NUCKS1: variants seen among roughly 807,000 people sequenced by gnomAD.
NUCKS1 encodes the protein nuclear casein kinase and cyclin dependent kinase substrate 1, also known as nuclear ubiquitous casein and cyclin-dependent kinase substrate 1.
NUCKS1 carries 2 observed loss-of-function variants against 33.0 expected under a neutral mutation model. The ratio of observed to expected loss-of-function variants is 0.06; its 90% CI spans 0.02 to 0.19. NUCKS1 has a LOEUF of 0.19. Among genes scored for constraint, NUCKS1 ranks in the 10% least tolerant of loss-of-function variants. The pLI is 1.00. For synonymous variants in NUCKS1, 106 were observed against 102.8 expected (o/e 1.03, Z -0.19); for missense variants, 201 against 293.6 (o/e 0.68, Z 2.31).
intron 1 of NUCKS1, among the ~76,000 whole-genome samples, chr1:205,732,975 T>C (rs377391114): frequency 2.0e-5 from 3 of 152,032 alleles, no homozygotes; most frequent in Non-Finnish European, 2.9e-5. Context: ...ATGATGATCA[T>C]AATGCAAACA....
chr1:205,720,622 T>G lies in NUCKS1; in HGVS notation c.261A>C (p.Lys87Asn). The part of the protein sequence containing the change: ...EDSEDEKEDH[K>N]NVRQQRQAAS... The stretch of plus-strand genomic sequence containing the variant: ...CCGCCTGCCGTTGTTGGCGCACATT[T>G]TTATGATCTTCTTTTTCATCTTCAC... The change falls in exon 5 of 7, where the codon AAA becomes AAC. Residue 87 changes from lysine to asparagine, a missense_variant. Physicochemically the swap from Lys to Asn is moderately conservative, Grantham distance 94 (BLOSUM62 0). Transcript: ENST00000367142. 6.2e-7 allele frequency: 1 copy of G among 1,614,022 alleles called. No homozygotes were observed.
In NUCKS1 at chr1:205,718,330, T is replaced by C; in HGVS notation, c.682A>G (p.Lys228Glu). ...KKTSTSPPPE[K>E]SGDEGSEDEA... ...TCTTCAGACCCTTCATCCCCAGATT[T>C]CTCGGGTGGGGGGCTTGTAGATGTT... Residue 228 changes from lysine (K) to glutamate (E), a missense_variant, in exon 7 of 7, where the codon AAA (lysine) becomes GAA (glutamate). Transcript: ENST00000367142. 1 of 1,613,790 alleles carries C rather than the reference T, an allele frequency of 6.2e-7. No homozygotes were observed. Among genetic ancestry groups the C allele is most frequent in the East Asian group, 2.2e-5 (1 of 44,876 alleles).
Position 205,718,107 on chromosome 1 carries a change from G to T in NUCKS1, c.*173C>A. 24 of 1,130,532 alleles carry T rather than the reference G, an allele frequency of 2.1e-5. No homozygotes were observed. Among genetic ancestry groups the T allele is most frequent in the East Asian group, 4.2e-5 (1 of 23,626 alleles). The allele number at this position is 1,130,532 out of a possible 1,614,324, so 70.0% of individuals were successfully genotyped here. A position where few individuals can be genotyped will look rare whatever the true frequency, so the allele number is the denominator to read the frequency against. ...CTTTAAAAAAAAAAAAAAAAAAAGAGAGAGAGAGAGAAATGTTACTTTCAA... is the reference window on the plus strand; with the variant it reads ...CTTTAAAAAAAAAAAAAAAAAAAGATAGAGAGAGAGAAATGTTACTTTCAA... On this transcript the variant is annotated 3_prime_UTR_variant, in exon 7 of 7. Coordinates refer to ENST00000367142, the MANE Select transcript of NUCKS1 (RefSeq NM_022731.5).
chr1:205,743,748 A>C (rs1654240304), intron 1 of NUCKS1, among the ~76,000 whole-genome samples: 1 of 152,176 alleles, frequency 6.6e-6, no homozygotes, highest in East Asian at 1.9e-4. Context: ...CTTGTAACAC[A>C]ACATTATTAA....
rs1359048748 is a variant in NUCKS1 at position 205,715,631 on chromosome 1, T to C, written c.*2649A>G. ...AAAAATCTTAAGAACTAGAATGTAGTGTCAGTCAGCATAGCTGCTGAAATC... is the reference window on the plus strand; with the variant it reads ...AAAAATCTTAAGAACTAGAATGTAGCGTCAGTCAGCATAGCTGCTGAAATC... On this transcript the variant is annotated 3_prime_UTR_variant, in exon 7 of 7. Transcript: ENST00000367142. 1 of 152,260 alleles carries C rather than the reference T, an allele frequency of 6.6e-6. No homozygotes were observed. Among genetic ancestry groups the C allele is most frequent in the Non-Finnish European group, 1.5e-5 (1 of 68,062 alleles). The allele number at this position is 152,260 out of a possible 1,614,324, so 9.4% of individuals were successfully genotyped here.
intron 1 of NUCKS1, among the ~76,000 whole-genome samples, chr1:205,744,859 C>T (rs187024497): frequency 6.6e-5 from 10 of 151,938 alleles, no homozygotes; most frequent in Admixed American, 2.6e-4. Context: ...CTCGAACTCC[C>T]GACCTTAGGT....
At chr1:205,731,432 T>A (rs1345604270) in intron 1 of NUCKS1, 1 of 152,246 alleles carries the variant, frequency 6.6e-6, no homozygotes, top group East Asian at 1.9e-4. Context: ...TCTTCATTTC[T>A]ATTTTTGTAC....
At chr1:205,740,550 T>C (rs1204419571) in intron 1 of NUCKS1, among the ~76,000 whole-genome samples, 1 of 151,858 alleles carries the variant, frequency 6.6e-6, no homozygotes, top group Non-Finnish European at 1.5e-5. Context: ...AGGAGGCTGA[T>C]GTTGCAATGA....
intron 1 of NUCKS1, among the ~76,000 whole-genome samples, chr1:205,736,403 A>G (rs1053350165): frequency 6.6e-6 from 1 of 152,146 alleles, no homozygotes; most frequent in Non-Finnish European, 1.5e-5. Flanking sequence ...TGAGAGTATT[A>G]TATGTAGTAG....
intron 4 of NUCKS1, among the ~76,000 whole-genome samples, chr1:205,722,308 GTA>G (rs1671934860): frequency 6.6e-6 from 1 of 152,102 alleles, no homozygotes; most frequent in Non-Finnish European, 1.5e-5. Context: ...TTAGGCTGGA[GTA>G]CAACAGTGGG....
rs768169857 is a variant in NUCKS1 at position 205,750,020 on chromosome 1, C to G, written c.-47G>C. The G allele has an allele frequency of 6.7e-6, 7 of 1,043,042 alleles. No homozygotes were observed. Among genetic ancestry groups the G allele is most frequent in the Non-Finnish European group, 9.4e-6 (7 of 742,018 alleles). 64.6% of individuals were successfully genotyped at this position (1,043,042 alleles called of 1,614,324 possible). The stretch of plus-strand genomic sequence containing the variant: ...GAGTCGAGAAGCCAAAGACCAGGAC[C>G]CCCCCCACCCCGCGCGCTCGGCGCC... On this transcript the variant is annotated 5_prime_UTR_variant, in exon 1 of 7. Transcript: ENST00000367142.
intron 3 of NUCKS1, among the ~76,000 whole-genome samples, chr1:205,727,422 C>T (rs1323492274): frequency 1.3e-5 from 2 of 152,206 alleles, no homozygotes; most frequent in African/African-American, 2.4e-5. Flanking sequence ...TAAGATTCTA[C>T]AAGCTTTAGT....
chr1:205,746,453 TCACACACACA>T (rs1216661558), intron 1 of NUCKS1, among the ~76,000 whole-genome samples: 24 of 124,510 alleles, frequency 1.9e-4, no homozygotes, highest in African/African-American at 7.5e-4. Flanking sequence ...TCTCTCTCTC[TCACACACACA>T]CACACACACA....
rs116436694 is a variant in NUCKS1 at position 205,718,367 on chromosome 1, C to A, written c.645G>T (p.Pro215=). The A allele has an allele frequency of 6.2e-7, 1 of 1,613,556 alleles. No homozygotes were observed. Among genetic ancestry groups the A allele is most frequent in the Non-Finnish European group, 8.5e-7 (1 of 1,179,938 alleles). The change falls in exon 7 of 7, where the codon CCG becomes CCT. Residue 215 remains proline (P), a synonymous_variant. Transcript: ENST00000367142. The part of the protein sequence containing the change: ...PKEEDEEPES[P]PEKKTSTSPP... ...GGCTTGTAGATGTTTTCTTTTCTGGCGGGCTTTCCGGTTCCTCATCTTCTT... is the reference window on the plus strand; with the variant it reads ...GGCTTGTAGATGTTTTCTTTTCTGGAGGGCTTTCCGGTTCCTCATCTTCTT...
At chr1:205,724,631 T>C (rs1653676098) in intron 3 of NUCKS1, among the ~76,000 whole-genome samples, 1 of 151,982 alleles carries the variant, frequency 6.6e-6, no homozygotes, top group Non-Finnish European at 1.5e-5. Context: ...GAGGCAGAGG[T>C]TGCAGTGAGC....
At chr1:205,719,450 A>T in intron 6 of NUCKS1, 77 bp downstream of exon 6, 1 of 1,447,258 alleles carries the variant, frequency 6.9e-7, no homozygotes, top group Non-Finnish European at 9.4e-7. Context: ...AATCCTAATG[A>T]GGAATTTCTG....
chr1:205,737,964 G>C (rs1051674324), intron 1 of NUCKS1, among the ~76,000 whole-genome samples: 5 of 152,170 alleles, frequency 3.3e-5, no homozygotes, highest in African/African-American at 1.2e-4. Context: ...GAAAAGCTTT[G>C]AAAGTTCCAC....
intron 4 of NUCKS1, among the ~76,000 whole-genome samples, chr1:205,721,754 C>T (rs1358796167): frequency 6.6e-6 from 1 of 151,668 alleles, no homozygotes; most frequent in East Asian, 1.9e-4. Flanking sequence ...CGCCTCACTG[C>T]AACCTCACCT....
chr1:205,721,143 G>C (rs1396462004), intron 4 of NUCKS1, among the ~76,000 whole-genome samples: 2 of 152,072 alleles, frequency 1.3e-5, no homozygotes, highest in African/African-American at 4.8e-5. Flanking sequence ...GATGGAGAGG[G>C]AGAGCATTAA....
Sources: allele counts gnomAD v4.1 joint callset (sites outside exome capture counted in the v4.1 genomes callset), GRCh38; gene constraint gnomAD v4.1.1; transcripts MANE v1.5; gene names NCBI Gene and HGNC (gene_info 2026-07-23, HGNC 2026-07-21).